The following FAM193A variants were observed in gnomAD, a reference collection of about 807,000 sequenced individuals.
The protein encoded by FAM193A is family with sequence similarity 193 member A.
A neutral mutation model predicts 126.5 loss-of-function variants in FAM193A; 22 were observed. The ratio of observed to expected loss-of-function variants is 0.17; its 90% CI spans 0.12 to 0.25. FAM193A has a LOEUF of 0.25. Ranked by LOEUF, FAM193A falls within the 10% of genes least tolerant of loss-of-function variation. FAM193A has a pLI of 1.00. For missense variants in FAM193A, 1,675 were observed against 1,672.8 expected (o/e 1.00, Z -0.02); for synonymous variants, 761 against 646.8 (o/e 1.18, Z -2.68).
At chr4:2,699,447 C>CCCCCCCCCCCCA (rs1553912471) in intron 18 of FAM193A, among the ~76,000 whole-genome samples, 1 of 57,144 alleles carries the variant, frequency 1.7e-5, no homozygotes, top group Non-Finnish European at 3.7e-5. Context: ...CCCCCCCCCC[C>CCCCCCCCCCCCA]ACACACACAC....
intron 2 of FAM193A, among the ~76,000 whole-genome samples, chr4:2,607,115 C>T (rs766360289): frequency 1.4e-4 from 22 of 152,314 alleles, no homozygotes; most frequent in Non-Finnish European, 2.5e-4. Flanking sequence ...TGGGGCGTGC[C>T]GGAGAAATAA....
In FAM193A at chr4:2,699,849, A is replaced by G. The variant is rs1312935463; in HGVS notation, c.3677A>G (p.Lys1226Arg). 6.2e-6 allele frequency: 10 copies of G among 1,613,804 alleles called. No individual in the cohort carries two copies. The highest frequency in any genetic ancestry group is 8.5e-6 in the Non-Finnish European group (10 of 1,179,832). ...QELQKLRAVK[K>R]KKKERPSKDC... is the part of the protein sequence containing the mutation. ...CTTCAGAAGCTAAGAGCTGTAAAAA[A>G]GAAGAAGAAGGAGAGGCCAAGTAAA... Residue 1226 changes from lysine (K) to arginine (R), a missense_variant, in exon 19 of 21, where the codon AAG becomes AGG. Physicochemically the swap from Lys to Arg is conservative, Grantham distance 26. Coordinates refer to ENST00000637812, the MANE Select transcript of FAM193A (RefSeq NM_001366318.2).
At chr4:2,627,715 T>G (rs1743116237) in intron 4 of FAM193A, among the ~76,000 whole-genome samples, 1 of 150,838 alleles carries the variant, frequency 6.6e-6, no homozygotes, top group Non-Finnish European at 1.5e-5. Context: ...GTAGCTGGGA[T>G]TACAGGCGCC....
At chr4:2,681,641 T>C (rs528372559) in intron 13 of FAM193A, among the ~76,000 whole-genome samples, 3 of 152,008 alleles carry the variant, frequency 2.0e-5, no homozygotes, top group Non-Finnish European at 4.4e-5. Context: ...TGTATTTATT[T>C]ACGTAGGGAC....
intron 1 of FAM193A, among the ~76,000 whole-genome samples, chr4:2,544,716 AG>A (rs1737443910): frequency 1.3e-5 from 2 of 151,984 alleles, no homozygotes; most frequent in Admixed American, 6.6e-5. Context: ...AAAGAAAAAA[AG>A]AATTAGCCTG....
chr4:2,590,705 G>A (rs1740520474), intron 1 of FAM193A, among the ~76,000 whole-genome samples: 2 of 151,722 alleles, frequency 1.3e-5, no homozygotes, highest in East Asian at 3.9e-4. Context: ...TAATTTTGTA[G>A]TATAATGAAT....
At chr4:2,563,213 G>C (rs1738734098) in intron 1 of FAM193A, among the ~76,000 whole-genome samples, 1 of 152,196 alleles carries the variant, frequency 6.6e-6, no homozygotes, top group Non-Finnish European at 1.5e-5. Context: ...AAAGTGCTGG[G>C]ATTACAGGCG....
intron 20 of FAM193A, among the ~76,000 whole-genome samples, chr4:2,717,901 C>G (rs927234605): frequency 7.9e-5 from 12 of 152,152 alleles, no homozygotes; most frequent in African/African-American, 2.4e-4. Flanking sequence ...TGATCCACCC[C>G]CCCTTGGCCT....
At chr4:2,632,999 C>T (rs1292906519) in intron 5 of FAM193A, among the ~76,000 whole-genome samples, 1 of 152,204 alleles carries the variant, frequency 6.6e-6, no homozygotes, top group Admixed American at 6.5e-5. Context: ...AGGTCTGCAC[C>T]TCCTCAGATA....
intron 1 of FAM193A, among the ~76,000 whole-genome samples, chr4:2,546,610 C>T (rs572019058): frequency 1.3e-5 from 2 of 152,086 alleles, no homozygotes; most frequent in Non-Finnish European, 2.9e-5. Flanking sequence ...GTAGCTTGTT[C>T]TTTTTTACTG....
chr4:2,694,917 T>C (rs113048829), intron 16 of FAM193A, 29 bp from the exon 17 acceptor site: 4 of 1,558,104 alleles, frequency 2.6e-6, no homozygotes, highest in Non-Finnish European at 3.5e-6. Flanking sequence ...GCCGGCCACT[T>C]GCTGATGAGC....
Position 2,699,830 on chromosome 4 carries a change from A to G in FAM193A, c.3658A>G (p.Lys1220Glu), listed in dbSNP as rs768264445. ...EEFQRLQELQ[K>E]LRAVKKKKKE... The stretch of plus-strand genomic sequence containing the variant: ...ATTTCAGCGGCTTCAGGAGCTTCAG[A>G]AGCTAAGAGCTGTAAAAAAGAAGAA... The change falls in exon 19 of 21, where the codon AAG (lysine) becomes GAG (glutamate). Residue 1220 changes from lysine to glutamate, a missense_variant. Lys to Glu is a moderately conservative substitution (Grantham distance 56, BLOSUM62 1). This residue lies in a region of FAM193A where 415 missense variants were observed against 396.7 expected (regional missense o/e 1.05). Transcript: ENST00000637812. 6.2e-7 allele frequency: 1 copy of G among 1,613,940 alleles called. No individual in the cohort carries two copies. The highest frequency in any genetic ancestry group is 1.7e-5 in the Admixed American group (1 of 60,000).
intron 1 of FAM193A, among the ~76,000 whole-genome samples, chr4:2,595,110 A>C (rs1040116819): frequency 2.0e-5 from 3 of 151,478 alleles, no homozygotes; most frequent in African/African-American, 7.3e-5. Flanking sequence ...GTGCAGTGGC[A>C]CGATCACAGC....
chr4:2,577,939 G>A (rs1390778623), intron 1 of FAM193A, among the ~76,000 whole-genome samples: 1 of 152,024 alleles, frequency 6.6e-6, no homozygotes, highest in Non-Finnish European at 1.5e-5. Flanking sequence ...TTCTGAATCT[G>A]TTCATTCAAC....
chr4:2,715,134 C>T (rs1015744943), intron 19 of FAM193A, among the ~76,000 whole-genome samples: 2 of 152,170 alleles, frequency 1.3e-5, no homozygotes, highest in African/African-American at 4.8e-5. Context: ...GTAATTGCAG[C>T]ATGAAATGTA....
chr4:2,689,619 T>A lies in FAM193A; in HGVS notation c.2445T>A (p.Ser815Arg). The part of the protein sequence containing the change: ...SCFGNTPEWN[S>R]SKFISLWGSE... ...TTGGGAATACTCCAGAGTGGAATAG[T>A]TCTAAATTTATAAGTCTTTGGGGAT... Residue 815 changes from serine (S) to arginine (R), a missense_variant, in exon 14 of 21, where the codon AGT (serine) becomes AGA (arginine). Physicochemically the swap from Ser to Arg is moderately radical, Grantham distance 110. This residue lies in a region of FAM193A where 1,186 missense variants were observed against 1,109.2 expected (regional missense o/e 1.07). Coordinates refer to ENST00000637812, the MANE Select transcript of FAM193A (RefSeq NM_001366318.2). 4 of 1,572,296 alleles carry A rather than the reference T, an allele frequency of 2.5e-6. No individual in the cohort carries two copies. Among genetic ancestry groups the A allele is most frequent in the Non-Finnish European group, 3.4e-6 (4 of 1,165,160 alleles).
chr4:2,618,050 T>A (rs1742313784), intron 2 of FAM193A, among the ~76,000 whole-genome samples: 1 of 152,224 alleles, frequency 6.6e-6, no homozygotes, highest in Non-Finnish European at 1.5e-5. Context: ...AATTTGAGGT[T>A]GTTGGTCATT....
chr4:2,703,286 A>T (rs997031980), intron 19 of FAM193A, among the ~76,000 whole-genome samples: 5 of 152,092 alleles, frequency 3.3e-5, no homozygotes, highest in Admixed American at 1.3e-4. Flanking sequence ...TCACTCTGTC[A>T]TCTAGGCTGG....
At chr4:2,622,371 A>G (rs1457126042) in intron 2 of FAM193A, among the ~76,000 whole-genome samples, 1 of 149,762 alleles carries the variant, frequency 6.7e-6, no homozygotes, top group Non-Finnish European at 1.5e-5. Flanking sequence ...GCGGTGGTGT[A>G]TGTCCTGCTT....
Sources: gnomAD v4.1 joint callset for allele counts (sites outside exome capture counted in the v4.1 genomes callset) on GRCh38, gnomAD v4.1.1 for gene constraint, gnomAD v4.1.1 regional missense constraint, MANE v1.5 for transcripts, NCBI Gene and HGNC (gene_info 2026-07-23, HGNC 2026-07-21) for gene names.